The following NAALADL2 variants were observed in gnomAD, a reference collection of about 807,000 sequenced individuals.
NAALADL2 encodes the protein inactive N-acetylated-alpha-linked acidic dipeptidase-like protein 2.
A neutral mutation model predicts 87.2 loss-of-function variants in NAALADL2; 76 were observed. The observed-to-expected ratio is 0.87, with a 90% CI of 0.72 to 1.05. NAALADL2 has a LOEUF of 1.05. NAALADL2 is among the 50% of genes least tolerant of loss of function. The probability of loss-of-function intolerance (pLI) is 0.00; values close to 1 mark genes in which losing one functional copy is unlikely to be tolerated. For missense variants in NAALADL2, 1,089 were observed against 945.8 expected, an observed-to-expected ratio of 1.15 and a Z score of -1.99; for synonymous variants, 354 against 331.0, an observed-to-expected ratio of 1.07 and a Z score of -0.75.
At chr3:175,525,048 T>G (rs549800816) in intron 9 of NAALADL2, among the ~76,000 whole-genome samples, 1 of 152,208 alleles carries the variant, frequency 6.6e-6, no homozygotes, top group Admixed American at 6.5e-5. Context: ...CAATCTCTAT[T>G]TTTTTATTTA....
intron 1 of NAALADL2, among the ~76,000 whole-genome samples, chr3:174,471,567 A>G (rs552835953): frequency 1.3e-4 from 16 of 122,712 alleles, no homozygotes; most frequent in Non-Finnish European, 2.3e-4. Flanking sequence ...CCATGAGACT[A>G]TCAATTTTTT....
intron 1 of NAALADL2, among the ~76,000 whole-genome samples, chr3:174,890,846 ATTTC>A (rs1415786740): frequency 6.6e-5 from 10 of 152,146 alleles, no homozygotes; most frequent in African/African-American, 1.7e-4. Context: ...AAAAATATTG[ATTTC>A]TTTATTTGTG....
intron 2 of NAALADL2, among the ~76,000 whole-genome samples, chr3:175,143,238 T>C (rs370446646): frequency 4.6e-5 from 7 of 152,068 alleles, no homozygotes; most frequent in African/African-American, 1.7e-4. Flanking sequence ...CATCTTGCAG[T>C]TCGTTCGCAA....
chr3:174,794,877 A>C (rs1034187856), intron 3 of NAALADL2, among the ~76,000 whole-genome samples: 7 of 151,504 alleles, frequency 4.6e-5, no homozygotes, highest in African/African-American at 1.7e-4. Flanking sequence ...ATTCATGAAA[A>C]TTTGCATCAC....
chr3:174,661,474 A>G (rs1489363706), intron 2 of NAALADL2, among the ~76,000 whole-genome samples: 1 of 152,206 alleles, frequency 6.6e-6, no homozygotes, highest in African/African-American at 2.4e-5. Flanking sequence ...TAGAAGGAGG[A>G]ACACTACCTA....
Position 175,753,877 on chromosome 3 carries a change from C to T in NAALADL2, c.1991-1343C>T, listed in dbSNP as rs1015400373. Among the ~76,000 whole-genome samples the T allele has an allele frequency of 1.1e-4, 16 of 152,290 alleles. No individual in the cohort carries two copies. In the East Asian group the frequency reaches 1.7e-3, roughly 17 times the overall value. On this transcript the variant is annotated intron_variant, in intron 12 of 13. Coordinates refer to ENST00000454872, the MANE Select transcript of NAALADL2 (RefSeq NM_207015.3). ...CACCATCTGTCTGTCTCAATATCAT[C>T]CTCTCAAAACTGCCAATTTAGGTTA...
intron 3 of NAALADL2, among the ~76,000 whole-genome samples, chr3:174,799,125 G>T (rs141138966): frequency 6.6e-5 from 10 of 151,154 alleles, no homozygotes; most frequent in African/African-American, 2.2e-4. Context: ...AGCCATGATC[G>T]TGCCACTGCA....
chr3:174,618,913 ACATT>A (rs908859634), intron 2 of NAALADL2, among the ~76,000 whole-genome samples: 1 of 151,964 alleles, frequency 6.6e-6, no homozygotes, highest in Non-Finnish European at 1.5e-5. Context: ...TAGTAAAACC[ACATT>A]CAAAGCAAAG....
chr3:174,857,107 G>T (rs543283866), upstream of NAALADL2, among the ~76,000 whole-genome samples: 1 of 152,208 alleles, frequency 6.6e-6, no homozygotes, highest in East Asian at 1.9e-4. Flanking sequence ...ACAAGGAAGG[G>T]ACCTGAACTC....
Position 175,588,150 on chromosome 3 carries a change from C to A in NAALADL2, c.1800+11963C>A, listed in dbSNP as rs573060641. ...CTTTGAGTATGCCAAAAGACAGTAACGCCTGGTAGGAAAAGTATGTATATT... is the reference window on the plus strand; with the variant it reads ...CTTTGAGTATGCCAAAAGACAGTAAAGCCTGGTAGGAAAAGTATGTATATT... On this transcript the variant is annotated intron_variant, in intron 10 of 13. Transcript: ENST00000454872. Among the ~76,000 whole-genome samples the A allele has an allele frequency of 2.2e-4, 33 of 151,694 alleles. No individual in the cohort carries two copies. In the South Asian group the frequency reaches 6.2e-3, roughly 29 times the overall value.
chr3:174,877,804 G>A (rs188305243), intron 1 of NAALADL2, among the ~76,000 whole-genome samples: 11 of 152,158 alleles, frequency 7.2e-5, no homozygotes, highest in Non-Finnish European at 1.0e-4. Flanking sequence ...GTACGGAAGG[G>A]TTTTTGCATA....
At chr3:175,667,840 A>G (rs981545239) in intron 11 of NAALADL2, among the ~76,000 whole-genome samples, 13 of 150,968 alleles carry the variant, frequency 8.6e-5, no homozygotes, top group African/African-American at 3.2e-4. Flanking sequence ...GGACACTGAG[A>G]ATGTCTGTTT....
Position 174,496,628 on chromosome 3 carries a change from G to A in NAALADL2, c.-183-53941G>A, listed in dbSNP as rs372369465. 2.3e-3 allele frequency among the ~76,000 whole-genome samples: 348 copies of A among 151,634 alleles called. 1 individual carries two copies. The highest frequency in any genetic ancestry group is 7.8e-3 in the African/African-American group (325 of 41,422). On this transcript the variant is annotated intron_variant, in intron 1 of 3. Transcript: ENST00000434257. The stretch of plus-strand genomic sequence containing the variant: ...ATTATTACTCTTTTAAGAACCCTCA[G>A]TTAAGAGTGTTTTAAAATCTAAAGT...
At chr3:175,775,768 G>C (rs1441229897) in intron 13 of NAALADL2, among the ~76,000 whole-genome samples, 1 of 152,104 alleles carries the variant, frequency 6.6e-6, no homozygotes, top group Non-Finnish European at 1.5e-5. Context: ...GATACCACAA[G>C]AGTCAACGGA....
chr3:175,704,472 AG>A (rs1409537406), intron 11 of NAALADL2, among the ~76,000 whole-genome samples: 165 of 86,416 alleles, frequency 1.9e-3, no homozygotes, highest in African/African-American at 0.015. Flanking sequence ...ATTTTTTGAC[AG>A]ATAGTCTTTT....
rs558518980 is a variant in NAALADL2, at chr3:175,626,267, A to C, written c.1801-1024A>C. 1.3e-3 allele frequency among the ~76,000 whole-genome samples: 198 copies of C among 152,020 alleles called. 1 individual carries two copies. Among genetic ancestry groups the C allele is most frequent in the Admixed American group, 2.8e-3 (42 of 15,222 alleles). On this transcript the variant is annotated intron_variant, in intron 10 of 13. Transcript: ENST00000454872. ...CCTGAAGACTATGACCCATTAATTT[A>C]TCCCTCATATTTTTTGTATTTTTAA...
intron 13 of NAALADL2, among the ~76,000 whole-genome samples, chr3:175,793,303 C>CT (rs1553775675): frequency 7.9e-6 from 1 of 126,204 alleles, no homozygotes. Context: ...ACAGCATTTT[C>CT]TTTCTTTTTT....
intron 1 of NAALADL2, among the ~76,000 whole-genome samples, chr3:174,494,417 T>G (rs571347072): frequency 1.4e-5 from 2 of 143,536 alleles, no homozygotes; most frequent in South Asian, 4.3e-4. Context: ...AGGTGGGAAT[T>G]GAACAATGAG....
intron 4 of NAALADL2, among the ~76,000 whole-genome samples, chr3:175,313,423 T>C (rs947254535): frequency 6.6e-6 from 1 of 152,224 alleles, no homozygotes; most frequent in South Asian, 2.1e-4. Flanking sequence ...GGACATTCCT[T>C]GTGCTGGACC....
Sources: allele counts gnomAD v4.1 joint callset (sites outside exome capture counted in the v4.1 genomes callset), GRCh38; gene constraint gnomAD v4.1.1; transcripts MANE v1.5; gene names NCBI Gene and HGNC (gene_info 2026-07-23, HGNC 2026-07-21).